SULF2: variants seen among roughly 807,000 people sequenced by gnomAD.
SULF2 encodes extracellular sulfatase Sulf-2.
A neutral mutation model predicts 107.7 loss-of-function variants in SULF2; 52 were observed. That is an observed-to-expected ratio of 0.48 (90% CI 0.39 to 0.61). The LOEUF is 0.61. Among genes scored for constraint, SULF2 ranks in the 20% least tolerant of loss-of-function variants. The pLI, the probability that SULF2 is intolerant of heterozygous loss-of-function variation, is 0.00. For synonymous variants in SULF2, 460 were observed against 464.3 expected (o/e 0.99, Z 0.12); for missense variants, 993 against 1,177.3 (o/e 0.84, Z 2.29).
At chr20:47,665,606 G>A (rs142667439) in intron 13 of SULF2, among the ~76,000 whole-genome samples, 1 of 152,360 alleles carries the variant, frequency 6.6e-6, no homozygotes, top group African/African-American at 2.4e-5. Context: ...GCCTCCTGTA[G>A]CGTAGACTTC....
At chr20:47,718,116 C>A (rs1240817644) in intron 3 of SULF2, among the ~76,000 whole-genome samples, 2 of 152,158 alleles carry the variant, frequency 1.3e-5, no homozygotes, top group African/African-American at 4.8e-5. Flanking sequence ...CTGGCCTGGC[C>A]TCAGAAATGA....
chr20:47,671,316 AT>A (rs1317320027), intron 11 of SULF2, among the ~76,000 whole-genome samples: 12 of 151,324 alleles, frequency 7.9e-5, no homozygotes, highest in African/African-American at 2.2e-4. Context: ...TTTATTTTTT[AT>A]TTTTTTTGAG....
chr20:47,756,125 C>T (rs746606754), intron 2 of SULF2, among the ~76,000 whole-genome samples: 29 of 152,294 alleles, frequency 1.9e-4, no homozygotes, highest in Non-Finnish European at 2.6e-4. Flanking sequence ...GAAACAGCGT[C>T]GGGGCTACAC....
At position 47,672,378 on chromosome 20, in the gene SULF2, C is replaced by T; in HGVS notation, c.1396G>A (p.Glu466Lys). Residue 466 changes from glutamate to lysine, a missense_variant, in exon 11 of 21, where the codon GAG becomes AAG. Physicochemically the swap from Glu to Lys is moderately conservative, Grantham distance 56. This residue lies in a region of SULF2 where 497 missense variants were observed against 544.1 expected (regional missense o/e 0.91). Coordinates refer to ENST00000688720, the MANE Select transcript of SULF2 (RefSeq NM_001387048.1). ...AGCTTCAGCTTCCCCGTGGCGTCCT[C>T]CACACACTGCCACTTCTGAAAGACA... The part of the protein sequence containing the change: ...EQLGQKWQCV[E>K]DATGKLKLHK... 6.2e-7 allele frequency: 1 copy of T among 1,609,264 alleles called. No homozygotes were observed. Among genetic ancestry groups the T allele is most frequent in the South Asian group, 1.1e-5 (1 of 90,952 alleles).
chr20:47,658,088 T>C lies in SULF2; in HGVS notation c.*274A>G, dbSNP rs1325858611. The C allele has an allele frequency of 2.0e-6, 1 of 510,112 alleles. No homozygotes were observed. The highest frequency in any genetic ancestry group is 1.9e-5 in the African/African-American group (1 of 52,160). The allele number at this position is 510,112 out of a possible 1,614,324, so 31.6% of individuals were successfully genotyped here. ...CCTTTGTGAGCTTCTGGGGGAGGGT[T>C]AGTGGTGACTTTTTGATACGAAAAA... is the stretch of plus-strand genomic sequence containing the variant. On this transcript the variant is annotated 3_prime_UTR_variant, in exon 21 of 21. Transcript: ENST00000688720.
At chr20:47,754,465 C>T (rs1176735264) in intron 2 of SULF2, among the ~76,000 whole-genome samples, 2 of 152,212 alleles carry the variant, frequency 1.3e-5, no homozygotes, top group Non-Finnish European at 2.9e-5. Context: ...CATGCCCCTC[C>T]CACAACCACC....
chr20:47,718,834 G>A (rs779681547), intron 3 of SULF2, among the ~76,000 whole-genome samples: 3 of 152,144 alleles, frequency 2.0e-5, no homozygotes, highest in Non-Finnish European at 4.4e-5. Flanking sequence ...AGACATTCAG[G>A]TGGAAACAGA....
At chr20:47,720,468 G>A (rs1030458154) in intron 3 of SULF2, among the ~76,000 whole-genome samples, 2 of 151,562 alleles carry the variant, frequency 1.3e-5, no homozygotes, top group Non-Finnish European at 1.5e-5. Flanking sequence ...ATGTTGGCCA[G>A]GCTGGTCTTG....
chr20:47,726,532 C>T lies in SULF2; in HGVS notation c.415+10171G>A, dbSNP rs370609727. ...TCTATTCTCCTGCTGTCCAAGAGTC[C>T]TTTCTGTGCCAATGGAAACATTCTC... On this transcript the variant is annotated intron_variant, in intron 3 of 20. Transcript: ENST00000688720. Among the ~76,000 whole-genome samples, 23 of 152,300 alleles carry T rather than the reference C, an allele frequency of 1.5e-4. No homozygotes were observed. The East Asian group carries it at 2.1e-3, about 14-fold the overall frequency.
intron 1 of SULF2, among the ~76,000 whole-genome samples, chr20:47,773,426 G>T (rs2090667631): frequency 6.6e-6 from 1 of 152,232 alleles, no homozygotes; most frequent in South Asian, 2.1e-4. Context: ...TCTATGAACG[G>T]AGGAAGTAAG....
chr20:47,674,265 G>A (rs891386829), intron 10 of SULF2, among the ~76,000 whole-genome samples: 1 of 152,216 alleles, frequency 6.6e-6, no homozygotes, highest in African/African-American at 2.4e-5. Flanking sequence ...CGGGGGCGGC[G>A]CCTGAGCCCC....
At chr20:47,669,147 G>C (rs1292746929) in intron 11 of SULF2, among the ~76,000 whole-genome samples, 1 of 152,116 alleles carries the variant, frequency 6.6e-6, no homozygotes, top group African/African-American at 2.4e-5. Context: ...TGTCTCTCCA[G>C]GTCAACTCTA....
At chr20:47,768,950 G>GGCTCACT (rs2090577222) in intron 1 of SULF2, among the ~76,000 whole-genome samples, 1 of 141,388 alleles carries the variant, frequency 7.1e-6, no homozygotes, top group Non-Finnish European at 1.5e-5. Flanking sequence ...GCATGACCTT[G>GGCTCACT]GCTCACTGCA....
intron 5 of SULF2, 100 bp downstream of exon 5, chr20:47,690,026 G>C (rs577632969): frequency 8.7e-7 from 1 of 1,153,496 alleles, no homozygotes; most frequent in South Asian, 3.7e-5. Context: ...TTAGAGAGGA[G>C]GCACAGTGAA....
At chr20:47,692,201 A>T (rs1185545910) in intron 4 of SULF2, among the ~76,000 whole-genome samples, 2 of 152,242 alleles carry the variant, frequency 1.3e-5, no homozygotes, top group African/African-American at 4.8e-5. Flanking sequence ...TCAAGAAAAA[A>T]AGGTGAAGAG....
chr20:47,678,523 T>C lies in SULF2; in HGVS notation c.1193+153A>G, dbSNP rs961640347. The C allele has an allele frequency of 2.1e-6, 2 of 960,206 alleles. No homozygotes were observed. Among genetic ancestry groups the C allele is most frequent in the Admixed American group, 4.3e-5 (2 of 46,334 alleles). The allele number at this position is 960,206 out of a possible 1,614,324, so 59.5% of individuals were successfully genotyped here. On this transcript the variant is annotated intron_variant, in intron 8 of 20. Coordinates refer to ENST00000688720, the MANE Select transcript of SULF2 (RefSeq NM_001387048.1). The surrounding 1 kb of genome is among the most constrained non-coding windows in gnomAD (Gnocchi z 4.5). Reference sequence around the variant, plus strand: ...TCTCGGAGAGGGGACCATGCTTCTCTCCCACAGCAGGTAAGTGGTTGGCAT... The same window carrying C: ...TCTCGGAGAGGGGACCATGCTTCTCCCCCACAGCAGGTAAGTGGTTGGCAT...
At chr20:47,757,835 G>T (rs58212939) in intron 1 of SULF2, among the ~76,000 whole-genome samples, 4 of 152,074 alleles carry the variant, frequency 2.6e-5, no homozygotes, top group African/African-American at 9.7e-5. Context: ...GGTCTCAAGG[G>T]GTGAATATTT....
chr20:47,722,324 G>A lies in SULF2; in HGVS notation c.415+14379C>T, dbSNP rs370986570. Among the ~76,000 whole-genome samples the A allele has an allele frequency of 4.8e-4, 73 of 152,244 alleles. No individual in the cohort carries two copies. The South Asian group carries it at 7.7e-3, about 16-fold the overall frequency. On this transcript the variant is annotated intron_variant, in intron 3 of 20. Coordinates refer to ENST00000688720, the MANE Select transcript of SULF2 (RefSeq NM_001387048.1). ...TGCCCAGGTTGTAATGCAGTGGCAC[G>A]ATCATGGCTCCCTGCGGCCTTAAAG...
chr20:47,760,427 G>A (rs1464471184), intron 1 of SULF2, among the ~76,000 whole-genome samples: 1 of 151,896 alleles, frequency 6.6e-6, no homozygotes, highest in Non-Finnish European at 1.5e-5. Context: ...GCCCCTCCTG[G>A]CTCTAGCGTC....
Sources: allele counts gnomAD v4.1 joint callset (sites outside exome capture counted in the v4.1 genomes callset), GRCh38; gene constraint gnomAD v4.1.1; regional missense constraint gnomAD v4.1.1; non-coding constraint Gnocchi (gnomAD v3.1); transcripts MANE v1.5; gene names NCBI Gene and HGNC (gene_info 2026-07-23, HGNC 2026-07-21).